The following COL21A1 variants were observed in gnomAD, a reference collection of about 807,000 sequenced individuals.
COL21A1 encodes collagen alpha-1(XXI) chain.
Under a neutral mutation model 137.9 loss-of-function variants are expected in COL21A1, and 149 were observed. The ratio of observed to expected loss-of-function variants is 1.08; its 90% CI spans 0.95 to 1.24. The LOEUF (loss-of-function observed/expected upper bound fraction) is 1.24. Ranked by LOEUF, COL21A1 falls within the 50% of genes most tolerant of loss-of-function variation. The pLI, the probability that COL21A1 is intolerant of heterozygous loss-of-function variation, is 0.00. For missense variants in COL21A1, 1,167 were observed against 1,158.4 expected, an observed-to-expected ratio of 1.01 and a Z score of -0.11; for synonymous variants, 456 against 391.5, an observed-to-expected ratio of 1.16 and a Z score of -1.95.
chr6:56,226,869 A>C (rs201347819), intron 1 of COL21A1, among the ~76,000 whole-genome samples: 2 of 21,326 alleles, frequency 9.4e-5, no homozygotes, highest in South Asian at 2.5e-3. Context: ...GGTCACTGAG[A>C]AGAATTAAGA....
At chr6:56,222,931 C>T (rs1780938962) in intron 1 of COL21A1, among the ~76,000 whole-genome samples, 1 of 151,924 alleles carries the variant, frequency 6.6e-6, no homozygotes, top group African/African-American at 2.4e-5. Context: ...CATCCTTTTA[C>T]ATTTTTTGCT....
At chr6:56,129,678 G>C (rs1023212815) in intron 12 of COL21A1, among the ~76,000 whole-genome samples, 1 of 65,020 alleles carries the variant, frequency 1.5e-5, no homozygotes. Flanking sequence ...GTGCGTGCGT[G>C]TGTGTGTGTG....
Position 56,164,833 on chromosome 6 carries a change from A to C in COL21A1, c.1279-11T>G, listed in dbSNP as rs1223010033. ...GCCTACCTCTCCATTCTGAAAGAAA[A>C]ACAACAAATGTGTTTTAAAATGTTT... On this transcript the variant is annotated splice_polypyrimidine_tract_variant and intron_variant, in intron 7 of 29. Coordinates refer to ENST00000244728, the MANE Select transcript of COL21A1 (RefSeq NM_030820.4). 2 of 1,546,474 alleles carry C rather than the reference A, an allele frequency of 1.3e-6. No homozygotes were observed. The highest frequency in any genetic ancestry group is 8.8e-7 in the Non-Finnish European group (1 of 1,137,882).
At position 56,090,176 on chromosome 6, in the gene COL21A1, T is replaced by G. The variant is rs182242688; in HGVS notation, c.1812+11296A>C. On this transcript the variant is annotated intron_variant, in intron 17 of 29. Transcript: ENST00000244728. ...ATTGCTTGAACCCAGGAGGCAGAGG[T>G]TGCAGTGAGTCAAGATCGTGCCACT... 2.0e-3 allele frequency among the ~76,000 whole-genome samples: 309 copies of G among 152,226 alleles called. 7 individuals are homozygous for G. The highest frequency in any genetic ancestry group is 0.016 in the South Asian group (77 of 4,812).
At chr6:56,121,216 T>C (rs994756044) in intron 16 of COL21A1, among the ~76,000 whole-genome samples, 8 of 151,804 alleles carry the variant, frequency 5.3e-5, no homozygotes, top group Non-Finnish European at 1.5e-5. Context: ...CTGGGGAGGG[T>C]AGCCATCAAA....
chr6:56,194,228 G>T (rs141997477), intron 1 of COL21A1, among the ~76,000 whole-genome samples: 1 of 152,108 alleles, frequency 6.6e-6, no homozygotes. Context: ...ATTCCCTGAT[G>T]TTATTATAAT....
intron 1 of COL21A1, among the ~76,000 whole-genome samples, chr6:56,223,889 G>T (rs978889678): frequency 1.3e-5 from 2 of 151,876 alleles, no homozygotes; most frequent in African/African-American, 4.8e-5. Flanking sequence ...TAAAGTATTG[G>T]AAGATACTCA....
intron 2 of COL21A1, 35 bp from the exon 3 acceptor site, chr6:56,180,164 T>C: frequency 2.6e-6 from 4 of 1,524,778 alleles, no homozygotes; most frequent in Non-Finnish European, 3.5e-6. Flanking sequence ...AGCACATCTT[T>C]TATATAAAAA....
At chr6:56,342,686 A>G (rs1765497339) in intron 1 of COL21A1, among the ~76,000 whole-genome samples, 1 of 152,246 alleles carries the variant, frequency 6.6e-6, no homozygotes, top group Non-Finnish European at 1.5e-5. Flanking sequence ...TGGGGCTGGA[A>G]AAAGAAATTC....
At chr6:56,194,385 C>G (rs1012269722) in intron 1 of COL21A1, among the ~76,000 whole-genome samples, 3 of 152,116 alleles carry the variant, frequency 2.0e-5, no homozygotes, top group East Asian at 1.9e-4. Context: ...TTAGGCTTAT[C>G]AAGTTTTAAC....
At chr6:56,270,558 C>A (rs1763501824) in intron 1 of COL21A1, among the ~76,000 whole-genome samples, 1 of 152,182 alleles carries the variant, frequency 6.6e-6, no homozygotes, top group Non-Finnish European at 1.5e-5. Context: ...CAACACTCAA[C>A]TAATTGGACC....
intron 10 of COL21A1, among the ~76,000 whole-genome samples, chr6:56,146,025 G>A (rs1006007924): frequency 2.6e-5 from 4 of 151,936 alleles, no homozygotes; most frequent in East Asian, 1.9e-4. Flanking sequence ...AATGTGCAAG[G>A]GTCACCAACT....
At chr6:56,280,267 G>A (rs971439302) in intron 1 of COL21A1, among the ~76,000 whole-genome samples, 1 of 152,070 alleles carries the variant, frequency 6.6e-6, no homozygotes, top group Non-Finnish European at 1.5e-5. Context: ...AACAAGTATT[G>A]ACTAAGTCCT....
At chr6:56,257,424 A>G (rs1434226691) in intron 1 of COL21A1, among the ~76,000 whole-genome samples, 2 of 151,216 alleles carry the variant, frequency 1.3e-5, no homozygotes, top group Non-Finnish European at 3.0e-5. Context: ...AATACCCAAT[A>G]GAATAATCAC....
chr6:56,270,310 TA>T (rs927415251), intron 1 of COL21A1, among the ~76,000 whole-genome samples: 24 of 152,156 alleles, frequency 1.6e-4, no homozygotes, highest in Admixed American at 1.3e-3. Context: ...CAACAATTAA[TA>T]AGGATAAAGA....
intron 16 of COL21A1, among the ~76,000 whole-genome samples, chr6:56,107,236 T>G (rs926921324): frequency 6.6e-6 from 1 of 152,152 alleles, no homozygotes; most frequent in Non-Finnish European, 1.5e-5. Flanking sequence ...AGATTTCACT[T>G]AAAATTATAA....
intron 1 of COL21A1, among the ~76,000 whole-genome samples, chr6:56,329,793 G>C (rs569127726): frequency 6.6e-6 from 1 of 152,032 alleles, no homozygotes; most frequent in African/African-American, 2.4e-5. Context: ...TTTAATAAAG[G>C]CTTCATATAT....
At chr6:56,252,841 C>T (rs1029812306) in intron 1 of COL21A1, among the ~76,000 whole-genome samples, 1 of 152,106 alleles carries the variant, frequency 6.6e-6, no homozygotes, top group African/African-American at 2.4e-5. Context: ...AACAAAACAG[C>T]CACTGCATGG....
intron 13 of COL21A1, 90 bp from the exon 14 acceptor site, chr6:56,125,710 A>C (rs1011443584): frequency 1.3e-6 from 1 of 788,426 alleles, no homozygotes; most frequent in Non-Finnish European, 1.9e-6. Flanking sequence ...AAAAGAGTTT[A>C]ATATGCCAAA....
Sources: allele counts gnomAD v4.1 joint callset (sites outside exome capture counted in the v4.1 genomes callset), GRCh38; gene constraint gnomAD v4.1.1; transcripts MANE v1.5; gene names NCBI Gene and HGNC (gene_info 2026-07-23, HGNC 2026-07-21).